CACNA1C: variants seen among roughly 807,000 people sequenced by gnomAD.
CACNA1C encodes voltage-dependent L-type calcium channel subunit alpha-1C.
In CACNA1C, 30 loss-of-function variants were observed where a neutral mutation model predicts 229.0. That is an observed-to-expected ratio of 0.13 (90% CI 0.10 to 0.18). The LOEUF is 0.18. Among genes scored for constraint, CACNA1C ranks in the 10% least tolerant of loss-of-function variants. CACNA1C has a pLI of 1.00. For synonymous variants in CACNA1C, 1,114 were observed against 1,132.5 expected (o/e 0.98, Z 0.33); for missense variants, 1,658 against 2,845.0 (o/e 0.58, Z 9.49).
At chr12:2,337,881 C>T (rs2096747400) in intron 3 of CACNA1C, among the ~76,000 whole-genome samples, 2 of 152,200 alleles carry the variant, frequency 1.3e-5, no homozygotes, top group Non-Finnish European at 2.9e-5. Flanking sequence ...CACGCCTCCT[C>T]CTCTGACTTC....
chr12:2,130,013 A>G (rs2091739964), intron 3 of CACNA1C, among the ~76,000 whole-genome samples: 1 of 151,918 alleles, frequency 6.6e-6, no homozygotes, highest in Non-Finnish European at 1.5e-5. Context: ...GCTTCTTAGA[A>G]GCCATTTTTC....
intron 1 of CACNA1C, among the ~76,000 whole-genome samples, chr12:2,062,342 G>A (rs114867382): frequency 0.01 from 1,562 of 152,278 alleles, 28 homozygotes; most frequent in African/African-American, 0.035. Flanking sequence ...TTTAGATAAG[G>A]AAACTGAGGA....
intron 3 of CACNA1C, among the ~76,000 whole-genome samples, chr12:2,429,560 C>T (rs2099063473): frequency 1.3e-5 from 2 of 152,142 alleles, no homozygotes. Context: ...GATGATAATA[C>T]CCTTTCCTCC....
chr12:2,598,565 G>T (rs1372920883), intron 21 of CACNA1C, among the ~76,000 whole-genome samples: 1 of 152,144 alleles, frequency 6.6e-6, no homozygotes, highest in Non-Finnish European at 1.5e-5. Context: ...CTTCCTGGGA[G>T]ACTAGCCTGG....
chr12:2,569,585 T>C (rs1347328915), intron 13 of CACNA1C, among the ~76,000 whole-genome samples: 1 of 152,242 alleles, frequency 6.6e-6, no homozygotes, highest in Non-Finnish European at 1.5e-5. Flanking sequence ...CTTAGAATAA[T>C]GTTTTCAAGG....
intron 9 of CACNA1C, among the ~76,000 whole-genome samples, chr12:2,543,861 A>G (rs557399469): frequency 2.0e-5 from 3 of 152,354 alleles, no homozygotes; most frequent in African/African-American, 7.2e-5. Flanking sequence ...TTAGGATGTC[A>G]GAGCCAAAAG....
chr12:2,091,974 G>C lies in CACNA1C; in HGVS notation c.50-23250G>C, dbSNP rs542984368. On this transcript the variant is annotated intron_variant, in intron 1 of 46. Coordinates refer to ENST00000399655, the MANE Select transcript of CACNA1C (RefSeq NM_000719.7). ...CCTCACCTTTTAAAGGAGGTGGGTG[G>C]GCCAGGTGCTCTTTAGGTCCCTCTC... Among the ~76,000 whole-genome samples the C allele has an allele frequency of 3.3e-5, 5 of 152,232 alleles. No individual in the cohort carries two copies. The East Asian group carries it at 7.7e-4, about 24-fold the overall frequency.
chr12:2,250,147 C>T (rs2075072045), intron 3 of CACNA1C, among the ~76,000 whole-genome samples: 1 of 152,178 alleles, frequency 6.6e-6, no homozygotes, highest in Non-Finnish European at 1.5e-5. Context: ...GACAAGGATG[C>T]ATCAGTCCAT....
At chr12:2,408,740 T>A (rs546469835) in intron 3 of CACNA1C, among the ~76,000 whole-genome samples, 28 of 152,322 alleles carry the variant, frequency 1.8e-4, no homozygotes, top group Non-Finnish European at 3.4e-4. Flanking sequence ...ATGTGAAGAG[T>A]TTTGTCCACA....
chr12:2,531,229 C>A (rs926051192), intron 9 of CACNA1C, among the ~76,000 whole-genome samples: 30 of 152,190 alleles, frequency 2.0e-4, no homozygotes, highest in Admixed American at 1.3e-3. Context: ...CCAGGCACGC[C>A]CCATCTGACT....
chr12:2,262,034 G>A (rs769533824), intron 3 of CACNA1C, among the ~76,000 whole-genome samples: 2 of 152,376 alleles, frequency 1.3e-5, no homozygotes, highest in South Asian at 4.1e-4. Flanking sequence ...ACCTGAACCT[G>A]CCTTTCTGAT....
chr12:2,230,101 G>A (rs2064382746), intron 3 of CACNA1C, among the ~76,000 whole-genome samples: 1 of 152,182 alleles, frequency 6.6e-6, no homozygotes, highest in Admixed American at 6.5e-5. Flanking sequence ...GAGAGGTGTG[G>A]TTCTCGTGGT....
intron 3 of CACNA1C, among the ~76,000 whole-genome samples, chr12:2,282,787 G>T (rs932591780): frequency 6.6e-6 from 1 of 152,166 alleles, no homozygotes; most frequent in Non-Finnish European, 1.5e-5. Context: ...GAATGTTCTC[G>T]ACTTCAAGTA....
chr12:2,324,669 T>C (rs1396908862), intron 3 of CACNA1C, among the ~76,000 whole-genome samples: 1 of 152,214 alleles, frequency 6.6e-6, no homozygotes, highest in Non-Finnish European at 1.5e-5. Flanking sequence ...AGGGCAGGCT[T>C]GCTGGTAGAC....
intron 3 of CACNA1C, among the ~76,000 whole-genome samples, chr12:2,421,076 T>G (rs2098973906): frequency 6.6e-6 from 1 of 152,250 alleles, no homozygotes; most frequent in Non-Finnish European, 1.5e-5. Context: ...GAAGACAGTT[T>G]CATTTGCTGT....
chr12:2,172,449 T>C (rs1427877500), intron 3 of CACNA1C, among the ~76,000 whole-genome samples: 1 of 152,220 alleles, frequency 6.6e-6, no homozygotes, highest in Non-Finnish European at 1.5e-5. Flanking sequence ...ACCCAAATTA[T>C]CTTAGCTCTA....
intron 9 of CACNA1C, among the ~76,000 whole-genome samples, chr12:2,540,140 T>G (rs1168385794): frequency 6.6e-6 from 1 of 152,080 alleles, no homozygotes; most frequent in African/African-American, 2.4e-5. Context: ...GTCCTGCTAG[T>G]GCTGCCCATG....
chr12:2,218,097 G>A (rs1024167974), intron 3 of CACNA1C, among the ~76,000 whole-genome samples: 10 of 152,106 alleles, frequency 6.6e-5, no homozygotes, highest in Admixed American at 6.5e-4. Context: ...ATTCTTTCTC[G>A]GTCTCTGTTA....
intron 3 of CACNA1C, among the ~76,000 whole-genome samples, chr12:2,435,394 A>G (rs1323584682): frequency 1.3e-5 from 2 of 152,198 alleles, no homozygotes; most frequent in South Asian, 2.1e-4. Context: ...TGTGCACCCC[A>G]AAGGCAGGGG....
Sources: allele counts gnomAD v4.1 joint callset (sites outside exome capture counted in the v4.1 genomes callset), GRCh38; gene constraint gnomAD v4.1.1; transcripts MANE v1.5; gene names NCBI Gene and HGNC (gene_info 2026-07-23, HGNC 2026-07-21).